The following AUH variants were observed in gnomAD, a reference collection of about 807,000 sequenced individuals.
AUH encodes AU RNA binding methylglutaconyl-CoA hydratase, also known as methylglutaconyl-CoA hydratase, mitochondrial.
AUH carries 29 observed loss-of-function variants against 42.3 expected under a neutral mutation model. The ratio of observed to expected loss-of-function variants is 0.69; its 90% CI spans 0.51 to 0.93. The LOEUF (loss-of-function observed/expected upper bound fraction) is 0.93. Among genes scored for constraint, AUH ranks in the 40% least tolerant of loss-of-function variants. AUH has a pLI of 0.00. For missense variants in AUH, 452 were observed against 438.1 expected, an observed-to-expected ratio of 1.03 and a Z score of -0.28; for synonymous variants, 174 against 166.4, an observed-to-expected ratio of 1.05 and a Z score of -0.35.
chr9:91,297,415 C>T (rs764702650), intron 5 of AUH, among the ~76,000 whole-genome samples: 4 of 152,096 alleles, frequency 2.6e-5, no homozygotes, highest in African/African-American at 4.8e-5. Context: ...AAGTGGACTT[C>T]AAGGAGATTC....
At chr9:91,267,826 G>T (rs1489993973) in intron 6 of AUH, among the ~76,000 whole-genome samples, 1 of 152,054 alleles carries the variant, frequency 6.6e-6, no homozygotes, top group Non-Finnish European at 1.5e-5. Flanking sequence ...TCTCTACTCT[G>T]TAAATGCATT....
chr9:91,284,222 C>T (rs1350016964), intron 6 of AUH, among the ~76,000 whole-genome samples: 1 of 152,100 alleles, frequency 6.6e-6, no homozygotes. Flanking sequence ...AAAGAATTCC[C>T]TATTTAATAA....
At chr9:91,274,285 T>C (rs1219831203) in intron 6 of AUH, among the ~76,000 whole-genome samples, 1 of 152,204 alleles carries the variant, frequency 6.6e-6, no homozygotes, top group East Asian at 1.9e-4. Flanking sequence ...TAATGAGCAA[T>C]GGGCTAGATA....
chr9:91,288,216 C>T (rs76314250), intron 6 of AUH, among the ~76,000 whole-genome samples: 9,013 of 151,922 alleles, frequency 0.059, 340 homozygotes, highest in Non-Finnish European at 0.077. Flanking sequence ...GAACAAAGAG[C>T]GGGAATTAGA....
chr9:91,260,149 G>A (rs1829633549), intron 6 of AUH, among the ~76,000 whole-genome samples: 1 of 151,996 alleles, frequency 6.6e-6, no homozygotes. Flanking sequence ...TAACATAGCT[G>A]CTCCAGCTTT....
chr9:91,347,212 T>TTTTG (rs145405829), intron 3 of AUH, among the ~76,000 whole-genome samples: 10,866 of 150,112 alleles, frequency 0.072, 466 homozygotes, highest in African/African-American at 0.11. Flanking sequence ...TAAGAGGGTT[T>TTTTG]TTTGTTTGTT....
intron 6 of AUH, among the ~76,000 whole-genome samples, chr9:91,291,844 T>C: frequency 6.7e-6 from 1 of 150,212 alleles, no homozygotes; most frequent in Non-Finnish European, 1.5e-5. Context: ...CTAAGCATCA[T>C]TTAGCATACA....
At chr9:91,301,568 T>C (rs1322421753) in intron 4 of AUH, among the ~76,000 whole-genome samples, 1 of 152,130 alleles carries the variant, frequency 6.6e-6, no homozygotes, top group East Asian at 1.9e-4. Flanking sequence ...TGAGAAATTA[T>C]GTTTCTAAAG....
At chr9:91,262,761 G>T (rs991118453) in intron 6 of AUH, among the ~76,000 whole-genome samples, 1 of 152,054 alleles carries the variant, frequency 6.6e-6, no homozygotes, top group Non-Finnish European at 1.5e-5. Context: ...TCAAAACTCC[G>T]TAACTACTCC....
At chr9:91,316,045 C>T (rs1297195980) in intron 4 of AUH, among the ~76,000 whole-genome samples, 3 of 152,138 alleles carry the variant, frequency 2.0e-5, no homozygotes. Flanking sequence ...CTCTACTATC[C>T]AATTGTATAA....
intron 6 of AUH, among the ~76,000 whole-genome samples, chr9:91,251,541 C>T (rs973113093): frequency 2.6e-5 from 4 of 152,120 alleles, no homozygotes; most frequent in Non-Finnish European, 4.4e-5. Context: ...ATCATGTATT[C>T]ATTATAAAAG....
intron 6 of AUH, among the ~76,000 whole-genome samples, chr9:91,229,373 C>A (rs1484507927): frequency 1.4e-5 from 2 of 145,704 alleles, no homozygotes; most frequent in Admixed American, 6.8e-5. Context: ...ACTAGGATTG[C>A]AACCCCTGCC....
At chr9:91,268,772 T>C (rs1824867678) in intron 6 of AUH, among the ~76,000 whole-genome samples, 1 of 152,060 alleles carries the variant, frequency 6.6e-6, no homozygotes, top group South Asian at 2.1e-4. Context: ...CTAGTTTTTA[T>C]GACAATATGC....
In AUH at chr9:91,239,350, A is replaced by C. The variant is rs192614925; in HGVS notation, c.656-18358T>G. 3.4e-3 allele frequency among the ~76,000 whole-genome samples: 523 copies of C among 152,296 alleles called. 3 individuals carry two copies. The highest frequency in any genetic ancestry group is 0.012 in the African/African-American group (501 of 41,552). On this transcript the variant is annotated intron_variant, in intron 6 of 9. Transcript: ENST00000375731. ...AAATACCACTTTTGAATTACTTATA[A>C]ATCTTCTCTCATAAATAGAAAAGCC...
intron 6 of AUH, 38 bp from the exon 7 acceptor site, chr9:91,221,030 C>A (rs902491412): frequency 7.5e-6 from 12 of 1,605,638 alleles, no homozygotes; most frequent in East Asian, 2.2e-5. Flanking sequence ...AATGATTTGA[C>A]ACCTGTTAGT....
intron 6 of AUH, among the ~76,000 whole-genome samples, chr9:91,226,352 T>G (rs1248436897): frequency 1.4e-5 from 2 of 145,978 alleles, no homozygotes; most frequent in Non-Finnish European, 3.1e-5. Flanking sequence ...ATGTCTTCTT[T>G]TGAGAAGTGT....
chr9:91,316,166 G>A (rs972301494), intron 4 of AUH, among the ~76,000 whole-genome samples: 3 of 152,148 alleles, frequency 2.0e-5, no homozygotes, highest in Non-Finnish European at 4.4e-5. Flanking sequence ...AATGTCTGCA[G>A]AACAATGTGG....
At chr9:91,292,701 CCAAA>C (rs1016825073) in intron 6 of AUH, among the ~76,000 whole-genome samples, 16 of 152,026 alleles carry the variant, frequency 1.1e-4, no homozygotes, top group South Asian at 2.1e-4. Flanking sequence ...GAAAATAGAT[CCAAA>C]CAGTGACAAA....
intron 6 of AUH, among the ~76,000 whole-genome samples, chr9:91,223,927 C>T (rs1485909685): frequency 6.6e-6 from 1 of 152,178 alleles, no homozygotes; most frequent in Non-Finnish European, 1.5e-5. Flanking sequence ...TATCAAAGAA[C>T]CAAAACTCAG....
Sources: gnomAD v4.1 joint callset for allele counts (sites outside exome capture counted in the v4.1 genomes callset) on GRCh38, gnomAD v4.1.1 for gene constraint, MANE v1.5 for transcripts, NCBI Gene and HGNC (gene_info 2026-07-23, HGNC 2026-07-21) for gene names.